The following TSC22D1 variants were observed in gnomAD, a reference collection of about 807,000 sequenced individuals.
TSC22D1 encodes the protein TSC22 domain family protein 1.
A neutral mutation model predicts 74.2 loss-of-function variants in TSC22D1; 9 were observed. That is an observed-to-expected ratio of 0.12 (90% CI 0.07 to 0.21). TSC22D1 has a LOEUF of 0.21. Among genes scored for constraint, TSC22D1 ranks in the 10% least tolerant of loss-of-function variants. The pLI, the probability that TSC22D1 is intolerant of heterozygous loss-of-function variation, is 1.00. For synonymous variants in TSC22D1, 586 were observed against 492.5 expected (o/e 1.19, Z -2.51); for missense variants, 1,427 against 1,304.7 (o/e 1.09, Z -1.44).
chr13:44,558,430 T>C (rs1377057406), intron 1 of TSC22D1, among the ~76,000 whole-genome samples: 1 of 152,210 alleles, frequency 6.6e-6, no homozygotes, highest in African/African-American at 2.4e-5. Context: ...AGCTAAACAG[T>C]TGCCAATTTA....
intron 1 of TSC22D1, among the ~76,000 whole-genome samples, chr13:44,491,413 A>G (rs9525964): frequency 0.12 from 17,467 of 151,464 alleles, 1,043 homozygotes; most frequent in Non-Finnish European, 0.13. Flanking sequence ...AATTAGCTGG[A>G]CGTAGTGGTA....
chr13:44,436,420 G>A (rs1874633503), intron 1 of TSC22D1: 3 of 1,496,438 alleles, frequency 2.0e-6, no homozygotes, highest in Non-Finnish European at 2.7e-6. Context: ...AATGGACAAA[G>A]GAATTCGCCT....
chr13:44,523,905 C>T, intron 1 of TSC22D1, among the ~76,000 whole-genome samples: 1 of 151,860 alleles, frequency 6.6e-6, no homozygotes, highest in African/African-American at 2.4e-5. Context: ...AAAACATTTG[C>T]TAATAGAAGG....
In TSC22D1 at chr13:44,576,002, G is replaced by T; in HGVS notation, c.73C>A (p.Pro25Thr). ...CTGCCCCTTCGAGGGAACATTGCCG[G>T]GTGCGCCATCTTCCTAGCGCTAATG... ...ADISARKMAH[P>T]AMFPRRGSGS... Residue 25 changes from proline to threonine, a missense_variant, in exon 1 of 3, where the codon CCG becomes ACG. Physicochemically the swap from Pro to Thr is conservative, Grantham distance 38. This residue lies in a region of TSC22D1 where 1,343 missense variants were observed against 1,191.5 expected (regional missense o/e 1.13). Coordinates refer to ENST00000458659, the MANE Select transcript of TSC22D1 (RefSeq NM_183422.4). 6.3e-7 allele frequency: 1 copy of T among 1,592,176 alleles called. No homozygotes were observed. Among genetic ancestry groups the T allele is most frequent in the Non-Finnish European group, 8.6e-7 (1 of 1,169,388 alleles).
intron 1 of TSC22D1, among the ~76,000 whole-genome samples, chr13:44,517,763 G>A (rs12585869): frequency 0.46 from 55,073 of 119,434 alleles, 13,165 homozygotes; most frequent in Non-Finnish European, 0.52. Flanking sequence ...ATGTGTGTGT[G>A]TATATATATA....
intron 1 of TSC22D1, among the ~76,000 whole-genome samples, chr13:44,569,053 A>C (rs1883569853): frequency 6.6e-6 from 1 of 152,236 alleles, no homozygotes; most frequent in African/African-American, 2.4e-5. Flanking sequence ...TAATACAGAC[A>C]AAAAGAAATG....
At chr13:44,568,856 T>C (rs377027865) in intron 1 of TSC22D1, among the ~76,000 whole-genome samples, 2 of 152,004 alleles carry the variant, frequency 1.3e-5, no homozygotes, top group Non-Finnish European at 2.9e-5. Context: ...ATTTCTATAA[T>C]AGACAGGTGG....
At chr13:44,481,432 T>C (rs1315551696) in intron 1 of TSC22D1, among the ~76,000 whole-genome samples, 4 of 152,164 alleles carry the variant, frequency 2.6e-5, no homozygotes, top group African/African-American at 4.8e-5. Context: ...AGAGATGATA[T>C]ATCCTGATAA....
chr13:44,574,656 A>G lies in TSC22D1; in HGVS notation c.1419T>C (p.Ser473=), dbSNP rs1162143000. The G allele has an allele frequency of 6.2e-7, 1 of 1,613,988 alleles. No individual in the cohort carries two copies. Among genetic ancestry groups the G allele is most frequent in the Non-Finnish European group, 8.5e-7 (1 of 1,180,036 alleles). ...ESTSGSSVSS[S]VSTLSHYTES... The stretch of plus-strand genomic sequence containing the variant: ...CTGTATAGTGACTCAGTGTGCTGAC[A>G]CTACTGCTCACTGAACTCCCACTAG... The change falls in exon 1 of 3, where the codon AGT becomes AGC. Residue 473 remains serine (S), a synonymous_variant. Transcript: ENST00000458659.
chr13:44,515,499 A>G (rs1373847657), intron 1 of TSC22D1, among the ~76,000 whole-genome samples: 1 of 151,490 alleles, frequency 6.6e-6, no homozygotes, highest in Non-Finnish European at 1.5e-5. Context: ...GTGCAGTGGC[A>G]CAATCTCGGT....
At chr13:44,529,383 A>C (rs1274187821) in intron 1 of TSC22D1, among the ~76,000 whole-genome samples, 3 of 152,070 alleles carry the variant, frequency 2.0e-5, no homozygotes, top group Non-Finnish European at 4.4e-5. Context: ...CCATTCATAA[A>C]AACTCTGGGC....
chr13:44,435,558 T>G (rs1874517552), intron 2 of TSC22D1, among the ~76,000 whole-genome samples: 1 of 152,082 alleles, frequency 6.6e-6, no homozygotes, highest in Non-Finnish European at 1.5e-5. Flanking sequence ...AAACAAAACT[T>G]TTTCTCTGAT....
At chr13:44,517,823 GTGTGTGTATATATATATA>G (rs1259796249) in intron 1 of TSC22D1, among the ~76,000 whole-genome samples, 1 of 36,044 alleles carries the variant, frequency 2.8e-5, no homozygotes, top group African/African-American at 9.6e-5. Context: ...GTGTGTGTGT[GTGTGTGTATATATATATA>G]TATATATATA....
upstream of TSC22D1, chr13:44,577,267 T>TA (rs1884312783): frequency 6.6e-6 from 1 of 152,450 alleles, no homozygotes; most frequent in Non-Finnish European, 1.5e-5. Flanking sequence ...TGGTGGTTGT[T>TA]ACTAGTGCTC....
chr13:44,497,566 GAAC>G (rs571521376), intron 1 of TSC22D1, among the ~76,000 whole-genome samples: 8 of 152,138 alleles, frequency 5.3e-5, no homozygotes, highest in South Asian at 2.1e-4. Flanking sequence ...AAGGAAACAA[GAAC>G]AACAACAACA....
intron 1 of TSC22D1, among the ~76,000 whole-genome samples, chr13:44,501,578 C>T (rs1343259380): frequency 1.3e-5 from 2 of 150,570 alleles, no homozygotes; most frequent in African/African-American, 5.0e-5. Flanking sequence ...GAGGGGGTAG[C>T]GTATTAGTAG....
intron 1 of TSC22D1, among the ~76,000 whole-genome samples, chr13:44,462,064 T>A (rs1017402439): frequency 2.6e-5 from 4 of 152,150 alleles, no homozygotes; most frequent in Non-Finnish European, 4.4e-5. Context: ...GGGAGATAAA[T>A]GATTTTAAAA....
rs773902655 is a variant in TSC22D1 at position 44,573,237 on chromosome 13, T to C, written c.2838A>G (p.Leu946=). ...SAVSDGSSSS[L]AASASLFPLK... ...ACGGGAAAAGAGAAGCAGAGGCTGC[T>C]AGGCTGCTGCTACTCCCATCTGAAA... Residue 946 remains leucine, a synonymous_variant, in exon 1 of 3, where the codon CTA becomes CTG. Coordinates refer to ENST00000458659, the MANE Select transcript of TSC22D1 (RefSeq NM_183422.4). 2 of 1,614,238 alleles carry C rather than the reference T, an allele frequency of 1.2e-6. No individual in the cohort carries two copies. The highest frequency in any genetic ancestry group is 1.3e-5 in the African/African-American group (1 of 75,070).
intron 2 of TSC22D1, 163 bp downstream of exon 2, chr13:44,435,881 G>A (rs1028759393): frequency 5.4e-6 from 4 of 743,586 alleles, no homozygotes; most frequent in East Asian, 2.8e-5. Context: ...CGGCTGCCGT[G>A]GTAGGTGGCT....
Sources: gnomAD v4.1 joint callset for allele counts (sites outside exome capture counted in the v4.1 genomes callset) on GRCh38, gnomAD v4.1.1 for gene constraint, gnomAD v4.1.1 regional missense constraint, MANE v1.5 for transcripts, NCBI Gene and HGNC (gene_info 2026-07-23, HGNC 2026-07-21) for gene names.